The following CHRM3 variants were observed in gnomAD, a reference collection of about 807,000 sequenced individuals.
CHRM3 encodes muscarinic acetylcholine receptor M3.
A neutral mutation model predicts 41.8 loss-of-function variants in CHRM3; 11 were observed. That is an observed-to-expected ratio of 0.26 (90% CI 0.17 to 0.44). CHRM3 has a LOEUF of 0.44. Ranked by LOEUF, CHRM3 falls within the 20% of genes least tolerant of loss-of-function variation. CHRM3 has a pLI of 1.00. For synonymous variants in CHRM3, 297 were observed against 301.4 expected (o/e 0.99, Z 0.15); for missense variants, 571 against 745.4 (o/e 0.77, Z 2.72).
intron 2 of CHRM3, among the ~76,000 whole-genome samples, chr1:239,501,022 G>T (rs1558270312): frequency 6.6e-6 from 1 of 152,182 alleles, no homozygotes; most frequent in Non-Finnish European, 1.5e-5. Flanking sequence ...GCAGTTAAAA[G>T]AGACAAAGAG....
chr1:239,904,316 C>T (rs544136233), intron 6 of CHRM3, among the ~76,000 whole-genome samples: 1 of 152,144 alleles, frequency 6.6e-6, no homozygotes, highest in Non-Finnish European at 1.5e-5. Context: ...GACCAAATGC[C>T]ACTTATCGGC....
chr1:239,523,027 A>G lies in CHRM3; in HGVS notation c.-421-22614A>G, dbSNP rs1215273594. ...AAGATCAGGCATCCTACCTAAGGGG[A>G]GCATAGAATTTAGCCCCTGTTTGTG... On this transcript the variant is annotated intron_variant, in intron 2 of 6. Transcript: ENST00000676153. 2.6e-5 allele frequency among the ~76,000 whole-genome samples: 4 copies of G among 152,190 alleles called. No individual in the cohort carries two copies. In the East Asian group the frequency reaches 7.7e-4, roughly 29 times the overall value.
chr1:239,774,794 T>G (rs975889083), intron 5 of CHRM3, among the ~76,000 whole-genome samples: 1 of 152,186 alleles, frequency 6.6e-6, no homozygotes, highest in African/African-American at 2.4e-5. Context: ...GACCAGGAAG[T>G]GTTTCCCTTC....
chr1:239,729,025 A>T (rs1181455989), intron 5 of CHRM3, among the ~76,000 whole-genome samples: 1 of 151,908 alleles, frequency 6.6e-6, no homozygotes, highest in Non-Finnish European at 1.5e-5. Context: ...CTTTATTACA[A>T]TACTAATACT....
chr1:239,837,748 C>T (rs1440822163), intron 6 of CHRM3, among the ~76,000 whole-genome samples: 5 of 152,178 alleles, frequency 3.3e-5, no homozygotes, highest in Non-Finnish European at 5.9e-5. Flanking sequence ...TATCTCCAAT[C>T]ACCAATCTCC....
rs111247197 is a variant in CHRM3, at chr1:239,882,768, C to T, written c.-19-24665C>T. On this transcript the variant is annotated intron_variant, in intron 6 of 6. Coordinates refer to ENST00000676153, the MANE Select transcript of CHRM3 (RefSeq NM_001375978.1). ...ATATGTGTGTGCTACTACAAGGCCA[C>T]GTGACCTAGTGTTTTGTCACAGGCC... 4.2e-3 allele frequency among the ~76,000 whole-genome samples: 636 copies of T among 152,360 alleles called. 6 individuals are homozygous for T. The highest frequency in any genetic ancestry group is 0.015 in the African/African-American group (606 of 41,582).
chr1:239,645,728 A>T (rs550759415), intron 4 of CHRM3, among the ~76,000 whole-genome samples: 1 of 152,298 alleles, frequency 6.6e-6, no homozygotes, highest in South Asian at 2.1e-4. Context: ...TCAAAAATAA[A>T]CTAAATCTAA....
rs1314738209 is a variant in CHRM3 at position 239,910,272 on chromosome 1, T to C, written c.*1048T>C. The C allele has an allele frequency of 6.0e-6, 1 of 165,314 alleles. No homozygotes were observed. The allele number at this position is 165,314 out of a possible 1,614,324, so 10.2% of individuals were successfully genotyped here. On this transcript the variant is annotated 3_prime_UTR_variant, in exon 7 of 7. Coordinates refer to ENST00000676153, the MANE Select transcript of CHRM3 (RefSeq NM_001375978.1). The stretch of plus-strand genomic sequence containing the variant: ...GCTATCTAAACTGCTTGAAACTCAA[T>C]AATAGTGTCACGTTTGAATGTCATA...
chr1:239,724,072 C>T (rs1357609305), intron 5 of CHRM3, among the ~76,000 whole-genome samples: 1 of 150,286 alleles, frequency 6.7e-6, no homozygotes. Flanking sequence ...TTTTTTTTTT[C>T]CATCCAAGTC....
At chr1:239,398,992 G>T (rs1659730866) in intron 1 of CHRM3, among the ~76,000 whole-genome samples, 1 of 152,134 alleles carries the variant, frequency 6.6e-6, no homozygotes, top group Non-Finnish European at 1.5e-5. Context: ...TTTGAAAGCA[G>T]ATTAAAAAAG....
At chr1:239,568,099 G>A (rs1661517646) in intron 3 of CHRM3, among the ~76,000 whole-genome samples, 1 of 152,108 alleles carries the variant, frequency 6.6e-6, no homozygotes, top group African/African-American at 2.4e-5. Context: ...CCCCCACTCA[G>A]CCTCCTGGAC....
chr1:239,698,292 T>C (rs1660380323), intron 5 of CHRM3, among the ~76,000 whole-genome samples: 1 of 152,202 alleles, frequency 6.6e-6, no homozygotes, highest in African/African-American at 2.4e-5. Context: ...TTCTCAAAGG[T>C]CATTATTTCT....
intron 6 of CHRM3, among the ~76,000 whole-genome samples, chr1:239,884,490 T>G (rs1371046285): frequency 6.6e-6 from 1 of 152,188 alleles, no homozygotes; most frequent in African/African-American, 2.4e-5. Context: ...TTTCTATTGT[T>G]TTAAACCATT....
intron 2 of CHRM3, among the ~76,000 whole-genome samples, chr1:239,517,613 C>G (rs1669359553): frequency 1.3e-5 from 2 of 152,116 alleles, no homozygotes; most frequent in African/African-American, 4.8e-5. Context: ...GTAGCCAGGT[C>G]AAAAGTATCT....
At chr1:239,893,516 C>A (rs972223997) in intron 6 of CHRM3, among the ~76,000 whole-genome samples, 3 of 152,162 alleles carry the variant, frequency 2.0e-5, no homozygotes, top group Non-Finnish European at 2.9e-5. Context: ...CTCCTTGGTA[C>A]ATCCATTTCT....
chr1:239,538,561 G>T (rs1280169158), intron 2 of CHRM3, among the ~76,000 whole-genome samples: 6 of 152,254 alleles, frequency 3.9e-5, no homozygotes, highest in Non-Finnish European at 7.4e-5. Flanking sequence ...TCTCTGTTTT[G>T]TAAATTATAT....
rs559772605 is a variant in CHRM3 at position 239,387,781 on chromosome 1, A to T, written c.-521+554A>T. ...GGGCCGCAAGTTCGGATTGCATTTC[A>T]GGGGGCGAGAAGGCAAATTTGGCAC... On this transcript the variant is annotated intron_variant, in intron 1 of 6. Coordinates refer to ENST00000676153, the MANE Select transcript of CHRM3 (RefSeq NM_001375978.1). This position sits in a 1 kb window ranked among gnomAD's most constrained non-coding sequence, Gnocchi z 5.1. Among the ~76,000 whole-genome samples the T allele has an allele frequency of 6.6e-6, 1 of 152,080 alleles. No individual in the cohort carries two copies. The highest frequency in any genetic ancestry group is 1.5e-5 in the Non-Finnish European group (1 of 68,002).
chr1:239,826,744 T>C (rs1372509822), intron 5 of CHRM3: 1 of 151,980 alleles, frequency 6.6e-6, no homozygotes, highest in East Asian at 1.9e-4. Flanking sequence ...ATGGATAAAA[T>C]AAGATGGAAG....
chr1:239,796,815 C>T (rs1236940081), intron 5 of CHRM3, among the ~76,000 whole-genome samples: 1 of 152,088 alleles, frequency 6.6e-6, no homozygotes, highest in Non-Finnish European at 1.5e-5. Flanking sequence ...ACATTGTACC[C>T]AGTGGGTAGC....
Sources: allele counts gnomAD v4.1 joint callset (sites outside exome capture counted in the v4.1 genomes callset), GRCh38; gene constraint gnomAD v4.1.1; non-coding constraint Gnocchi (gnomAD v3.1); transcripts MANE v1.5; gene names NCBI Gene and HGNC (gene_info 2026-07-23, HGNC 2026-07-21).